Variants in CBLB observed in about 807,000 individuals in gnomAD.
CBLB encodes Cbl proto-oncogene B, also known as E3 ubiquitin-protein ligase CBL-B.
Under a neutral mutation model 104.9 loss-of-function variants are expected in CBLB, and 31 were observed. The ratio of observed to expected loss-of-function variants is 0.30; its 90% confidence interval spans 0.22 to 0.40. The LOEUF (loss-of-function observed/expected upper bound fraction) is 0.40, where lower values mean the gene tolerates loss of function less well. CBLB is among the 10% of genes least tolerant of loss of function. CBLB has a pLI of 1.00. For synonymous variants in CBLB, 440 were observed against 422.6 expected (o/e 1.04, Z -0.51); for missense variants, 1,062 against 1,214.6 (o/e 0.87, Z 1.87).
chr3:105,684,745 G>A (rs537212743), intron 14 of CBLB, among the ~76,000 whole-genome samples: 6 of 152,174 alleles, frequency 3.9e-5, no homozygotes, highest in Non-Finnish European at 8.8e-5. Context: ...TAGAGACAGG[G>A]TTTCACCATG....
intron 7 of CBLB, among the ~76,000 whole-genome samples, chr3:105,737,620 T>C (rs1052651861): frequency 6.6e-6 from 1 of 152,176 alleles, no homozygotes; most frequent in Admixed American, 6.5e-5. Context: ...ACATCCTTCA[T>C]CTGAGGCACA....
intron 10 of CBLB, among the ~76,000 whole-genome samples, chr3:105,710,317 TAAGAC>T (rs1237616408): frequency 1.3e-5 from 2 of 151,882 alleles, no homozygotes; most frequent in East Asian, 1.9e-4. Context: ...TCTCTAATCT[TAAGAC>T]AAACAAATAT....
At chr3:105,840,386 G>GAA (rs79908581) in intron 3 of CBLB, among the ~76,000 whole-genome samples, 1 of 143,872 alleles carries the variant, frequency 7.0e-6, no homozygotes. Context: ...CATCGTGTTA[G>GAA]AAAAAAAAAA....
intron 4 of CBLB, among the ~76,000 whole-genome samples, chr3:105,773,093 T>C (rs2079044914): frequency 6.6e-6 from 1 of 152,204 alleles, no homozygotes; most frequent in African/African-American, 2.4e-5. Flanking sequence ...ACACGCTTGT[T>C]TATAGCAGCA....
intron 3 of CBLB, among the ~76,000 whole-genome samples, chr3:105,817,670 A>G (rs1027078070): frequency 1.3e-5 from 2 of 152,174 alleles, no homozygotes; most frequent in African/African-American, 2.4e-5. Flanking sequence ...ACTGTAACAT[A>G]CCAAAGCTCA....
chr3:105,719,914 C>T (rs1001065739), intron 10 of CBLB, 133 bp downstream of exon 10: 2 of 734,952 alleles, frequency 2.7e-6, no homozygotes, highest in East Asian at 2.7e-5. Context: ...TGACCCTGTA[C>T]AGGCCTAGGC....
intron 17 of CBLB, among the ~76,000 whole-genome samples, chr3:105,674,594 G>C (rs1328123438): frequency 3.3e-5 from 5 of 152,226 alleles, no homozygotes; most frequent in Non-Finnish European, 5.9e-5. Context: ...CTTAAATACA[G>C]TCTTTGCTTT....
At chr3:105,809,614 T>C (rs2083999681) in intron 3 of CBLB, among the ~76,000 whole-genome samples, 1 of 152,238 alleles carries the variant, frequency 6.6e-6, no homozygotes, top group Non-Finnish European at 1.5e-5. Context: ...GCTTTATGCT[T>C]ACTCTTTTTT....
chr3:105,693,871 A>G (rs2068021227), intron 12 of CBLB, among the ~76,000 whole-genome samples: 1 of 152,050 alleles, frequency 6.6e-6, no homozygotes, highest in Admixed American at 6.6e-5. Context: ...TAATGGCTAA[A>G]TAGGTAGACA....
intron 3 of CBLB, among the ~76,000 whole-genome samples, chr3:105,830,631 G>A (rs897606070): frequency 3.3e-5 from 5 of 152,240 alleles, no homozygotes; most frequent in Non-Finnish European, 7.4e-5. Flanking sequence ...ATATTAAGTT[G>A]TAAAGTTTAA....
At chr3:105,831,318 C>T (rs1414871971) in intron 3 of CBLB, among the ~76,000 whole-genome samples, 1 of 152,202 alleles carries the variant, frequency 6.6e-6, no homozygotes, top group African/African-American at 2.4e-5. Context: ...GTATCTCCTA[C>T]CTGAGCATTA....
At chr3:105,705,615 A>G (rs1367688182) in intron 10 of CBLB, among the ~76,000 whole-genome samples, 1 of 152,194 alleles carries the variant, frequency 6.6e-6, no homozygotes, top group Non-Finnish European at 1.5e-5. Flanking sequence ...CACGGAAGTA[A>G]AGTGTCATTT....
intron 11 of CBLB, 29 bp from the exon 12 acceptor site, chr3:105,702,488 A>AAC (rs1481465387): frequency 1.8e-5 from 27 of 1,474,502 alleles, no homozygotes; most frequent in Admixed American, 1.4e-4. Flanking sequence ...AAAAAAAAAA[A>AAC]AAAAAAAAAA....
chr3:105,746,338 T>C (rs894388602), intron 5 of CBLB, among the ~76,000 whole-genome samples: 4 of 152,208 alleles, frequency 2.6e-5, no homozygotes, highest in African/African-American at 7.2e-5. Context: ...TTGTGACCAT[T>C]GTAAAACACA....
Position 105,678,483 on chromosome 3 carries a change from A to AG in CBLB, c.2516dup (p.Gly840TrpfsTer4), listed in dbSNP as rs778997943. The stretch of plus-strand genomic sequence containing the variant: ...CTGAGGATGGCCGGCTACTGGAGCC[A>AG]GGAGGTTTTGAATGTTCAATGAGAC... On this transcript the variant is annotated frameshift_variant, in exon 17 of 19. Transcript: ENST00000394030. LOFTEE classifies it high-confidence loss of function. 6.2e-7 allele frequency: 1 copy of AG among 1,614,076 alleles called. No individual in the cohort carries two copies.
At chr3:105,777,583 T>C (rs1196311423) in intron 3 of CBLB, among the ~76,000 whole-genome samples, 1 of 152,188 alleles carries the variant, frequency 6.6e-6, no homozygotes, top group Non-Finnish European at 1.5e-5. Flanking sequence ...AACACGCCAC[T>C]GCACTTCAGC....
intron 10 of CBLB, among the ~76,000 whole-genome samples, chr3:105,707,133 G>A (rs116590919): frequency 0.015 from 2,325 of 152,276 alleles, 20 homozygotes; most frequent in Non-Finnish European, 0.026. Flanking sequence ...AAAATCCTCA[G>A]AACAGACATC....
intron 3 of CBLB, among the ~76,000 whole-genome samples, chr3:105,796,501 T>C (rs967348997): frequency 1.3e-5 from 2 of 152,260 alleles, no homozygotes; most frequent in Admixed American, 6.5e-5. Flanking sequence ...GATGATAACC[T>C]AGGAAATACC....
chr3:105,727,396 GTTTT>G (rs911889380), intron 9 of CBLB, among the ~76,000 whole-genome samples: 94 of 150,436 alleles, frequency 6.2e-4, no homozygotes, highest in African/African-American at 2.2e-3. Context: ...TTTTGACTTT[GTTTT>G]TTTTTCTTGG....
Sources: gnomAD v4.1 joint callset for allele counts (sites outside exome capture counted in the v4.1 genomes callset) on GRCh38, gnomAD v4.1.1 for gene constraint, MANE v1.5 for transcripts, NCBI Gene and HGNC (gene_info 2026-07-23, HGNC 2026-07-21) for gene names.